The following AGMO variants were observed in gnomAD, a reference collection of about 807,000 sequenced individuals.
AGMO encodes alkylglycerol monooxygenase, also known as glyceryl-ether monooxygenase.
AGMO carries 75 observed loss-of-function variants against 60.2 expected under a neutral mutation model. The ratio of observed to expected loss-of-function variants is 1.25; its 90% CI spans 1.03 to 1.51. AGMO has a LOEUF of 1.51. AGMO is among the 40% of genes most tolerant of loss of function. AGMO has a pLI of 0.00. For synonymous variants in AGMO, 261 were observed against 177.1 expected (o/e 1.47, Z -3.76); for missense variants, 763 against 525.5 (o/e 1.45, Z -4.42).
At chr7:15,158,880 A>T in the AGMO span, among the ~76,000 whole-genome samples, 1 of 152,202 alleles carries the variant, frequency 6.6e-6, no homozygotes, top group Non-Finnish European at 1.5e-5. Context: ...GGCTGCAAGT[A>T]AATTTTATTT....
At chr7:15,473,603 T>C (rs1782513523) in intron 3 of AGMO, among the ~76,000 whole-genome samples, 1 of 152,104 alleles carries the variant, frequency 6.6e-6, no homozygotes, top group South Asian at 2.1e-4. Flanking sequence ...ACAGCCAATA[T>C]CATACTGAAT....
At chr7:15,341,682 A>G (rs1781852616) in intron 12 of AGMO, among the ~76,000 whole-genome samples, 1 of 152,132 alleles carries the variant, frequency 6.6e-6, no homozygotes, top group Admixed American at 6.5e-5. Flanking sequence ...GTCCATTATT[A>G]TGCTGCTAAT....
At chr7:15,495,461 T>G (rs1256259744) in intron 3 of AGMO, among the ~76,000 whole-genome samples, 9 of 152,206 alleles carry the variant, frequency 5.9e-5, no homozygotes, top group Admixed American at 5.9e-4. Flanking sequence ...GTAGTCTTAC[T>G]AAGCCAGTTC....
intron 5 of AGMO, among the ~76,000 whole-genome samples, chr7:15,417,720 C>A (rs1373625125): frequency 6.6e-6 from 1 of 152,168 alleles, no homozygotes; most frequent in Non-Finnish European, 1.5e-5. Flanking sequence ...GCATAAAATA[C>A]TGCAGGTTAA....
At chr7:15,517,205 T>C (rs545259748) in intron 3 of AGMO, among the ~76,000 whole-genome samples, 2 of 152,048 alleles carry the variant, frequency 1.3e-5, no homozygotes, top group African/African-American at 4.8e-5. Flanking sequence ...GAAGGACTTA[T>C]AATGAATTAA....
chr7:15,369,591 G>A (rs1300169247), intron 10 of AGMO, among the ~76,000 whole-genome samples: 3 of 151,860 alleles, frequency 2.0e-5, no homozygotes, highest in South Asian at 2.1e-4. Context: ...TTGTCCCTCC[G>A]ACACAAAATA....
chr7:15,416,112 C>A (rs1390126241), intron 5 of AGMO, among the ~76,000 whole-genome samples: 2 of 149,916 alleles, frequency 1.3e-5, no homozygotes, highest in African/African-American at 4.9e-5. Context: ...TGGCTCACTG[C>A]AAGCTCCGCC....
At chr7:15,470,444 T>C (rs1254862579) in intron 3 of AGMO, among the ~76,000 whole-genome samples, 1 of 151,988 alleles carries the variant, frequency 6.6e-6, no homozygotes, top group Non-Finnish European at 1.5e-5. Flanking sequence ...TTTTAAGTAG[T>C]AAGCAATAAT....
chr7:15,273,888 T>A (rs112907061), intron 12 of AGMO, among the ~76,000 whole-genome samples: 1 of 152,338 alleles, frequency 6.6e-6, no homozygotes, highest in African/African-American at 2.4e-5. Context: ...GAAGCAATTG[T>A]GAATGGGAGT....
intron 12 of AGMO, among the ~76,000 whole-genome samples, chr7:15,294,062 T>C (rs921430613): frequency 6.6e-6 from 1 of 152,110 alleles, no homozygotes; most frequent in African/African-American, 2.4e-5. Context: ...ATTTAATGAA[T>C]AATTAAATTT....
At chr7:15,306,606 G>C (rs761439950) in intron 12 of AGMO, 1 of 427,342 alleles carries the variant, frequency 2.3e-6, no homozygotes, top group Non-Finnish European at 4.7e-6. Context: ...ATGGCAATTT[G>C]TGTTACCTTG....
chr7:15,183,774 A>T, the AGMO span, among the ~76,000 whole-genome samples: 1 of 152,210 alleles, frequency 6.6e-6, no homozygotes, highest in Non-Finnish European at 1.5e-5. Context: ...AACTGCAATT[A>T]GAGAAAATTA....
chr7:15,342,273 C>T (rs1473619562), intron 12 of AGMO, among the ~76,000 whole-genome samples: 1 of 150,118 alleles, frequency 6.7e-6, no homozygotes, highest in Admixed American at 6.7e-5. Flanking sequence ...AAGCCATGGT[C>T]AGCAAGGGAG....
chr7:15,155,875 C>G, the AGMO span, among the ~76,000 whole-genome samples: 2 of 152,106 alleles, frequency 1.3e-5, no homozygotes, highest in African/African-American at 4.8e-5. Flanking sequence ...AGTTTATTTG[C>G]TTTGTTTCTG....
chr7:15,396,187 A>G (rs538595583), intron 5 of AGMO: 1 of 152,648 alleles, frequency 6.6e-6, no homozygotes, highest in South Asian at 2.1e-4. Context: ...CTCGTCCAGA[A>G]ATGGTGGGTT....
At chr7:15,260,537 G>C (rs978702812) in intron 12 of AGMO, among the ~76,000 whole-genome samples, 10 of 152,052 alleles carry the variant, frequency 6.6e-5, no homozygotes, top group African/African-American at 2.4e-4. Context: ...CTAGACCTAA[G>C]AAATGAGATA....
At chr7:15,177,658 C>G in the AGMO span, among the ~76,000 whole-genome samples, 1 of 152,054 alleles carries the variant, frequency 6.6e-6, no homozygotes, top group South Asian at 2.1e-4. Flanking sequence ...AATAGCATGT[C>G]TTAACTCTTA....
intron 3 of AGMO, among the ~76,000 whole-genome samples, chr7:15,538,458 T>C (rs2115267598): frequency 6.6e-6 from 1 of 152,168 alleles, no homozygotes; most frequent in East Asian, 1.9e-4. Flanking sequence ...GTCTTGAAAC[T>C]CCTAGCCTCA....
chr7:15,284,634 A>T (rs1288021989), intron 12 of AGMO, among the ~76,000 whole-genome samples: 1 of 152,048 alleles, frequency 6.6e-6, no homozygotes, highest in Non-Finnish European at 1.5e-5. Context: ...GCTAAATTCC[A>T]CCAGACAGTC....
Sources: allele counts gnomAD v4.1 joint callset (sites outside exome capture counted in the v4.1 genomes callset), GRCh38; gene constraint gnomAD v4.1.1; transcripts MANE v1.5; gene names NCBI Gene and HGNC (gene_info 2026-07-23, HGNC 2026-07-21).